The following NWD1 variants were observed in gnomAD, a reference collection of about 807,000 sequenced individuals.
NWD1 encodes the protein NACHT domain- and WD repeat-containing protein 1.
Under a neutral mutation model 135.1 loss-of-function variants are expected in NWD1, and 129 were observed. The ratio of observed to expected loss-of-function variants is 0.96; its 90% CI spans 0.83 to 1.11. The LOEUF is 1.11. Among genes scored for constraint, NWD1 ranks in the 50% least tolerant of loss-of-function variants. The pLI is 0.00. For missense variants in NWD1, 1,740 were observed against 1,851.3 expected, an observed-to-expected ratio of 0.94 and a Z score of 1.10; for synonymous variants, 773 against 786.0, an observed-to-expected ratio of 0.98 and a Z score of 0.28.
intron 3 of NWD1, among the ~76,000 whole-genome samples, chr19:16,736,227 A>T (rs111277754): frequency 0.33 from 10,879 of 32,748 alleles, 703 homozygotes; most frequent in African/African-American, 0.44. Flanking sequence ...CTTCCTTCCT[A>T]CCTTCCTCTC....
At chr19:16,793,699 C>T (rs1383859699) in intron 14 of NWD1, among the ~76,000 whole-genome samples, 1 of 151,910 alleles carries the variant, frequency 6.6e-6, no homozygotes, top group African/African-American at 2.4e-5. Flanking sequence ...GCCTCCGCCT[C>T]CCCAGTAGCT....
rs145613435 is a variant in NWD1 at position 16,765,514 on chromosome 19, C to T, written c.2410+322C>T. 2.1e-4 allele frequency among the ~76,000 whole-genome samples: 32 copies of T among 152,092 alleles called. No homozygotes were observed. The South Asian group carries it at 2.5e-3, about 12-fold the overall frequency. On this transcript the variant is annotated intron_variant, in intron 10 of 18. Coordinates refer to ENST00000524140, the MANE Select transcript of NWD1 (RefSeq NM_001007525.5). Reference sequence around the variant, plus strand: ...GTGCCTTGCTAATTTTTCTATTTTTCGTAGAGACAGGGTCTCACTGTGTTG... The same window carrying T: ...GTGCCTTGCTAATTTTTCTATTTTTTGTAGAGACAGGGTCTCACTGTGTTG...
At chr19:16,757,238 T>C (rs1403562851) in intron 6 of NWD1, among the ~76,000 whole-genome samples, 2 of 152,044 alleles carry the variant, frequency 1.3e-5, no homozygotes, top group African/African-American at 4.8e-5. Context: ...ACTGCTGCCC[T>C]ACAACACACA....
intron 9 of NWD1, 56 bp downstream of exon 9, chr19:16,764,001 GTCTT>G: frequency 9.6e-7 from 1 of 1,040,782 alleles, no homozygotes; most frequent in Non-Finnish European, 1.5e-6. Flanking sequence ...CCACGCTCCA[GTCTT>G]CTAGAGCCTG....
intron 6 of NWD1, among the ~76,000 whole-genome samples, chr19:16,752,108 C>T (rs1458532893): frequency 2.6e-5 from 4 of 152,138 alleles, no homozygotes; most frequent in African/African-American, 4.8e-5. Flanking sequence ...TTGGCAGAGA[C>T]GCCAAGGAAC....
At chr19:16,809,062 C>T (rs1229789542) in intron 18 of NWD1, among the ~76,000 whole-genome samples, 7 of 151,374 alleles carry the variant, frequency 4.6e-5, no homozygotes, top group Admixed American at 1.3e-4. Context: ...CTCAAGAAAA[C>T]AAAAAACAAA....
At chr19:16,798,488 G>A (rs1408496705) in intron 16 of NWD1, among the ~76,000 whole-genome samples, 6 of 152,130 alleles carry the variant, frequency 3.9e-5, no homozygotes, top group African/African-American at 1.4e-4. Flanking sequence ...GCATGTGCCT[G>A]TAGTCCTAGC....
chr19:16,759,224 G>C lies in NWD1; in HGVS notation c.1770-1G>C. The C allele has an allele frequency of 6.2e-7, 1 of 1,613,384 alleles. No homozygotes were observed. The highest frequency in any genetic ancestry group is 8.5e-7 in the Non-Finnish European group (1 of 1,179,446). ...CAAAGCCCCACTGGTCCTCCCTTCA[G>C]ACACGGTCTCTCGGAGGCGGAGCTG... On this transcript the variant is annotated splice_acceptor_variant, in intron 6 of 18. Transcript: ENST00000524140. LOFTEE classifies it high-confidence loss of function.
chr19:16,763,671 C>T (rs867942797), intron 8 of NWD1, among the ~76,000 whole-genome samples, 157 bp from the exon 9 acceptor site: 5 of 152,166 alleles, frequency 3.3e-5, no homozygotes, highest in African/African-American at 1.2e-4. Flanking sequence ...TCCTCTGCTC[C>T]AGCCCTGACC....
At chr19:16,810,225 G>T (rs887362974) in intron 18 of NWD1, among the ~76,000 whole-genome samples, 1 of 148,682 alleles carries the variant, frequency 6.7e-6, no homozygotes, top group African/African-American at 2.5e-5. Flanking sequence ...ATCACCTGAG[G>T]TTAGGGGTTC....
rs768420700 is a variant in NWD1, at chr19:16,750,385, C to T, written c.1743C>T (p.His581=). 80 of 1,593,536 alleles carry T rather than the reference C, an allele frequency of 5.0e-5. No individual in the cohort carries two copies. The highest frequency in any genetic ancestry group is 9.5e-5 in the African/African-American group (7 of 73,994). ...CACACGGGCAGCTCCTCGTGGCCCA[C>T]GTGCTGGGCTACATTGTGTCTTCCC... The part of the protein sequence containing the change: ...EQTHGQLLVA[H]VLGYIVSSRH... Residue 581 remains histidine, a synonymous_variant, in exon 6 of 19, where the codon CAC becomes CAT. Transcript: ENST00000524140.
At chr19:16,797,330 T>C (rs937111040) in intron 15 of NWD1, among the ~76,000 whole-genome samples, 7 of 140,940 alleles carry the variant, frequency 5.0e-5, no homozygotes, top group South Asian at 2.3e-4. Flanking sequence ...AAACATCTCT[T>C]TTTTTTTTTT....
chr19:16,744,458 C>A lies in NWD1; in HGVS notation c.236C>A (p.Pro79His). 1 of 1,535,700 alleles carries A rather than the reference C, an allele frequency of 6.5e-7. No individual in the cohort carries two copies. The highest frequency in any genetic ancestry group is 2.0e-5 in the Admixed American group (1 of 50,974). Residue 79 changes from proline (P) to histidine (H), a missense_variant, in exon 5 of 19, where the codon CCC (proline) becomes CAC (histidine). Physicochemically the swap from Pro to His is moderately conservative, Grantham distance 77. Coordinates refer to ENST00000524140, the MANE Select transcript of NWD1 (RefSeq NM_001007525.5). ...IGDQYGPCLIPSRIDEKEWEV... is the reference protein window; with the variant it reads ...IGDQYGPCLIHSRIDEKEWEV... ...GATCAGTACGGCCCCTGTCTGATTC[C>A]CTCGCGGATCGATGAGAAGGAGTGG...
At chr19:16,794,030 A>T (rs1335441753) in intron 14 of NWD1, among the ~76,000 whole-genome samples, 3 of 152,186 alleles carry the variant, frequency 2.0e-5, no homozygotes, top group African/African-American at 7.2e-5. Flanking sequence ...AGTAGCTGGG[A>T]CCACAGGGGT....
At chr19:16,722,374 C>T (rs914449380) in intron 1 of NWD1, among the ~76,000 whole-genome samples, 29 of 151,432 alleles carry the variant, frequency 1.9e-4, no homozygotes, top group Non-Finnish European at 3.1e-4. Flanking sequence ...CTGCAATGTC[C>T]GTTTCCTGGG....
chr19:16,778,747 G>A (rs1176260044), intron 11 of NWD1, among the ~76,000 whole-genome samples: 1 of 152,070 alleles, frequency 6.6e-6, no homozygotes, highest in East Asian at 1.9e-4. Flanking sequence ...GACCTCAAGT[G>A]ATCCGCCCAC....
At chr19:16,811,714 C>T (rs549595313) in intron 18 of NWD1, among the ~76,000 whole-genome samples, 16 of 152,212 alleles carry the variant, frequency 1.1e-4, no homozygotes, top group African/African-American at 3.4e-4. Flanking sequence ...GGAGGTGTGC[C>T]TGGGTTGGGG....
chr19:16,739,747 A>G (rs1344715020), intron 4 of NWD1, among the ~76,000 whole-genome samples: 1 of 152,158 alleles, frequency 6.6e-6, no homozygotes, highest in African/African-American at 2.4e-5. Context: ...GGCCGGGGAC[A>G]GCTCCCCATG....
chr19:16,737,399 C>CT (rs1395383576), intron 4 of NWD1, among the ~76,000 whole-genome samples: 2 of 151,946 alleles, frequency 1.3e-5, no homozygotes, highest in Admixed American at 6.6e-5. Flanking sequence ...GTAGCTGGGA[C>CT]TACAGGTGTG....
Sources: allele counts gnomAD v4.1 joint callset (sites outside exome capture counted in the v4.1 genomes callset), GRCh38; gene constraint gnomAD v4.1.1; transcripts MANE v1.5; gene names NCBI Gene and HGNC (gene_info 2026-07-23, HGNC 2026-07-21).